The following DPH6 variants were observed in gnomAD, a reference collection of about 807,000 sequenced individuals.
DPH6 encodes the protein diphthine--ammonia ligase.
Under a neutral mutation model 38.2 loss-of-function variants are expected in DPH6, and 33 were observed. The observed-to-expected ratio is 0.86, with a 90% CI of 0.65 to 1.15. DPH6 has a LOEUF of 1.15. DPH6 is among the 50% of genes most tolerant of loss of function. The probability of loss-of-function intolerance (pLI) is 0.00; values close to 1 mark genes in which losing one functional copy is unlikely to be tolerated. For synonymous variants in DPH6, 108 were observed against 103.0 expected, an observed-to-expected ratio of 1.05 and a Z score of -0.30; for missense variants, 325 against 320.0, an observed-to-expected ratio of 1.02 and a Z score of -0.12.
chr15:35,273,739 T>C (rs1486023038), intron 3 of DPH6, among the ~76,000 whole-genome samples: 1 of 152,106 alleles, frequency 6.6e-6, no homozygotes. Context: ...AAACCACTGC[T>C]CAAGGAAATA....
At chr15:35,300,456 G>A (rs1566863373) in intron 3 of DPH6, among the ~76,000 whole-genome samples, 1 of 152,178 alleles carries the variant, frequency 6.6e-6, no homozygotes, top group Non-Finnish European at 1.5e-5. Context: ...TTGTAAGAAC[G>A]GAGATGAAAA....
the DPH6 span, among the ~76,000 whole-genome samples, chr15:35,202,973 T>G: frequency 1.2e-4 from 18 of 151,842 alleles, 1 homozygote; most frequent in South Asian, 3.5e-3. Flanking sequence ...TCACTTACAG[T>G]GCTCAAATAA....
chr15:35,182,697 G>A, the DPH6 span, among the ~76,000 whole-genome samples: 1 of 152,160 alleles, frequency 6.6e-6, no homozygotes. Flanking sequence ...TTATTTCATT[G>A]TGAATAATCT....
intron 3 of DPH6, among the ~76,000 whole-genome samples, chr15:35,470,455 C>T (rs992237524): frequency 2.0e-5 from 3 of 151,920 alleles, no homozygotes; most frequent in African/African-American, 4.8e-5. Flanking sequence ...TTGCTGTTGA[C>T]GGGAACTGAA....
At chr15:35,216,103 G>A (rs1218004412), downstream of DPH6, among the ~76,000 whole-genome samples, 1 of 152,242 alleles carries the variant, frequency 6.6e-6, no homozygotes, top group Non-Finnish European at 1.5e-5. Context: ...CAAAGTTAGA[G>A]TCAGATTAGC....
At chr15:35,386,565 T>G (rs1379533516) in intron 6 of DPH6, among the ~76,000 whole-genome samples, 2 of 152,172 alleles carry the variant, frequency 1.3e-5, no homozygotes, top group African/African-American at 4.8e-5. Context: ...TATCTCATTG[T>G]GGTTTTGATT....
intron 3 of DPH6, among the ~76,000 whole-genome samples, chr15:35,496,626 C>T (rs1595417633): frequency 2.6e-5 from 3 of 114,140 alleles, no homozygotes. Context: ...ATAAAGAGAA[C>T]CAAATAGAAA....
intron 3 of DPH6, among the ~76,000 whole-genome samples, chr15:35,303,643 T>C (rs1475713351): frequency 6.6e-6 from 1 of 151,374 alleles, no homozygotes; most frequent in East Asian, 1.9e-4. Context: ...AGTAAAATAT[T>C]CTACCAGTTT....
At chr15:35,438,641 G>C (rs1372085666) in intron 5 of DPH6, among the ~76,000 whole-genome samples, 3 of 152,136 alleles carry the variant, frequency 2.0e-5, no homozygotes, top group African/African-American at 7.2e-5. Flanking sequence ...TGTCTGTGTG[G>C]TTATATATAT....
At chr15:35,532,750 T>C (rs1407893024) in intron 3 of DPH6, among the ~76,000 whole-genome samples, 1 of 151,750 alleles carries the variant, frequency 6.6e-6, no homozygotes, top group Non-Finnish European at 1.5e-5. Flanking sequence ...AACTGTTTTT[T>C]AAAGAGGAGG....
At chr15:35,489,964 C>T in intron 3 of DPH6, 1 of 983,484 alleles carries the variant, frequency 1.0e-6, no homozygotes, top group Non-Finnish European at 1.2e-6. Flanking sequence ...AACAGCTAAA[C>T]AAAACTATTT....
At chr15:35,542,944 G>GT (rs1181176941) in intron 1 of DPH6, among the ~76,000 whole-genome samples, 6 of 8,952 alleles carry the variant, frequency 6.7e-4, no homozygotes, top group African/African-American at 2.6e-3. Context: ...TCCACTTAAG[G>GT]AATATATATA....
intron 8 of DPH6, chr15:35,372,422 T>C (rs964485919): frequency 3.3e-4 from 111 of 341,396 alleles, no homozygotes; most frequent in African/African-American, 1.6e-3. Flanking sequence ...GAGCTGAACA[T>C]AGAATGGCTG....
chr15:35,234,603 G>A (rs1183124492), intron 3 of DPH6, among the ~76,000 whole-genome samples: 2 of 152,138 alleles, frequency 1.3e-5, no homozygotes, highest in Non-Finnish European at 2.9e-5. Flanking sequence ...TATGACATTT[G>A]AATAATATTG....
rs553611892 is a variant in DPH6 at position 35,364,440 on chromosome 15, CA to C, written n.207+9080del. On this transcript the variant is annotated intron_variant and non_coding_transcript_variant, in intron 3 of 3. Coordinates refer to the DPH6 transcript ENST00000558973. The stretch of plus-strand genomic sequence containing the variant: ...AACTAGAGTTAAGTATTTATATCTT[CA>C]AAAAAAAATTACACACAGCAAAATG... Among the ~76,000 whole-genome samples, 170 of 150,870 alleles carry C rather than the reference CA, an allele frequency of 1.1e-3. 5 individuals carry two copies. Among genetic ancestry groups the C allele is most frequent in the South Asian group, 0.01 (49 of 4,786 alleles).
At chr15:35,237,493 A>G in intron 3 of DPH6, 3 of 1,571,008 alleles carry the variant, frequency 1.9e-6, no homozygotes, top group Non-Finnish European at 2.6e-6. Context: ...GCCTCACCTC[A>G]ACTGCAAACT....
rs561744926 is a variant in DPH6, at chr15:35,438,360, C to T, written c.505+12325G>A. ...GCAACCTCCATGTCCCTGGTTCAAG[C>T]GATGGCCTGTGATTACTTGGGAAAA... On this transcript the variant is annotated intron_variant, in intron 5 of 8. Coordinates refer to ENST00000256538, the MANE Select transcript of DPH6 (RefSeq NM_080650.4). Among the ~76,000 whole-genome samples, 17 of 152,234 alleles carry T rather than the reference C, an allele frequency of 1.1e-4. No homozygotes were observed. In the South Asian group the frequency reaches 2.5e-3, roughly 22 times the overall value.
intron 5 of DPH6, among the ~76,000 whole-genome samples, chr15:35,436,114 C>T (rs1189520812): frequency 6.6e-6 from 1 of 152,060 alleles, no homozygotes; most frequent in African/African-American, 2.4e-5. Flanking sequence ...CTCGCGACAC[C>T]TCCATGGAGT....
At chr15:35,436,530 C>T (rs2053717016) in intron 5 of DPH6, among the ~76,000 whole-genome samples, 1 of 46,576 alleles carries the variant, frequency 2.1e-5, no homozygotes, top group South Asian at 1.2e-3. Flanking sequence ...AGGTTCTCTC[C>T]CTGTTCGTCA....
Sources: gnomAD v4.1 joint callset for allele counts (sites outside exome capture counted in the v4.1 genomes callset) on GRCh38, gnomAD v4.1.1 for gene constraint, MANE v1.5 for transcripts, NCBI Gene and HGNC (gene_info 2026-07-23, HGNC 2026-07-21) for gene names.